Variants in NBEAL1 observed in about 807,000 individuals in gnomAD.
NBEAL1 encodes the protein neurobeachin like 1.
Under a neutral mutation model 351.3 loss-of-function variants are expected in NBEAL1, and 273 were observed. The observed-to-expected ratio is 0.78, with a 90% CI of 0.70 to 0.86. The LOEUF (loss-of-function observed/expected upper bound fraction) is 0.86, where lower values mean the gene tolerates loss of function less well. NBEAL1 is among the 40% of genes least tolerant of loss of function. NBEAL1 has a pLI of 0.00. For missense variants in NBEAL1, 2,961 were observed against 3,201.3 expected (o/e 0.92, Z 1.81); for synonymous variants, 1,050 against 1,086.4 (o/e 0.97, Z 0.66).
At chr2:203,198,020 C>CTTTTTTT (rs71034228) in intron 48 of NBEAL1, among the ~76,000 whole-genome samples, 9 of 118,588 alleles carry the variant, frequency 7.6e-5, no homozygotes, top group East Asian at 2.5e-4. Context: ...TTTTTCTTTT[C>CTTTTTTT]TTTTTTTTTT....
intron 18 of NBEAL1, among the ~76,000 whole-genome samples, chr2:203,117,555 C>A (rs1011714778): frequency 1.3e-5 from 2 of 152,222 alleles, no homozygotes; most frequent in Non-Finnish European, 2.9e-5. Context: ...ATTTTTGCTA[C>A]TTCTTTTCTT....
intron 8 of NBEAL1, among the ~76,000 whole-genome samples, chr2:203,078,291 G>C (rs1371314937): frequency 6.6e-6 from 1 of 152,012 alleles, no homozygotes; most frequent in South Asian, 2.1e-4. Flanking sequence ...TTACAAAAAA[G>C]AATTTCTAGT....
intron 12 of NBEAL1, among the ~76,000 whole-genome samples, chr2:203,106,060 A>G (rs2062430537): frequency 1.3e-5 from 2 of 152,160 alleles, no homozygotes; most frequent in Non-Finnish European, 2.9e-5. Flanking sequence ...ACTAACCCTT[A>G]GAGTTTTCTG....
At chr2:203,087,329 G>T (rs892133064) in intron 10 of NBEAL1, among the ~76,000 whole-genome samples, 1 of 151,942 alleles carries the variant, frequency 6.6e-6, no homozygotes, top group Non-Finnish European at 1.5e-5. Flanking sequence ...CAGACCTCGT[G>T]ATTCACCTGC....
chr2:203,146,786 G>A (rs2063524355), intron 33 of NBEAL1, among the ~76,000 whole-genome samples: 2 of 151,572 alleles, frequency 1.3e-5, no homozygotes, highest in Non-Finnish European at 2.9e-5. Flanking sequence ...AGCAAGACTC[G>A]GTCTCAAGAA....
At chr2:203,100,241 T>C (rs1023653696) in intron 12 of NBEAL1, among the ~76,000 whole-genome samples, 8 of 152,190 alleles carry the variant, frequency 5.3e-5, no homozygotes, top group Non-Finnish European at 7.3e-5. Flanking sequence ...GTAGAACAAT[T>C]TATATTCCCT....
chr2:203,120,552 A>G lies in NBEAL1; in HGVS notation c.2593-1702A>G, dbSNP rs377117604. ...GTAAATATCACCTAAAAAGGCATAG[A>G]CTGTAAAACTGGGTTCTACATGTGT... On this transcript the variant is annotated intron_variant, in intron 18 of 55. Transcript: ENST00000683969. 1.2e-4 allele frequency among the ~76,000 whole-genome samples: 19 copies of G among 152,308 alleles called. No individual in the cohort carries two copies. In the East Asian group the frequency reaches 2.9e-3, roughly 23 times the overall value.
intron 44 of NBEAL1, among the ~76,000 whole-genome samples, chr2:203,187,679 G>C (rs2064944760): frequency 6.6e-6 from 1 of 151,272 alleles, no homozygotes; most frequent in Non-Finnish European, 1.5e-5. Context: ...GGAGGTGGAG[G>C]TTACAGTGAG....
At position 203,136,750 on chromosome 2, in the gene NBEAL1, G is replaced by A. The variant is rs771860329; in HGVS notation, c.4541G>A (p.Arg1514Gln). Residue 1514 changes from arginine (R) to glutamine (Q), a missense_variant, in exon 29 of 56, where the codon CGA (arginine) becomes CAA (glutamine). Transcript: ENST00000683969. ...CCAGGAATATCCAGTGAACTACTTC[G>A]ACCATCAGATGAAATAAAACTAACG... is the stretch of plus-strand genomic sequence containing the variant. ...SKPGISSELL[R>Q]PSDEIKLTLL... 13 of 1,612,768 alleles carry A rather than the reference G, an allele frequency of 8.1e-6. No individual in the cohort carries two copies. Among genetic ancestry groups the A allele is most frequent in the African/African-American group, 6.7e-5 (5 of 74,872 alleles).
intron 10 of NBEAL1, among the ~76,000 whole-genome samples, chr2:203,093,012 C>T (rs2062096141): frequency 6.6e-6 from 1 of 152,052 alleles, no homozygotes; most frequent in African/African-American, 2.4e-5. Flanking sequence ...GCAGGCGGAT[C>T]ACAAGGTTAG....
chr2:203,118,790 T>C (rs1443754966), intron 18 of NBEAL1, among the ~76,000 whole-genome samples: 1 of 152,140 alleles, frequency 6.6e-6, no homozygotes, highest in Non-Finnish European at 1.5e-5. Flanking sequence ...GGTTTCACCA[T>C]GTTGGCCAGG....
chr2:203,215,679 C>T (rs2065883786), intron 55 of NBEAL1, among the ~76,000 whole-genome samples: 1 of 149,508 alleles, frequency 6.7e-6, no homozygotes, highest in African/African-American at 2.5e-5. Flanking sequence ...CAGAGCGAGA[C>T]TCCATCTCAA....
At chr2:203,205,340 C>G (rs1290166149) in intron 51 of NBEAL1, among the ~76,000 whole-genome samples, 1 of 151,988 alleles carries the variant, frequency 6.6e-6, no homozygotes, top group Non-Finnish European at 1.5e-5. Flanking sequence ...ATATCATGTT[C>G]CTTTACCCCT....
chr2:203,034,546 C>T (rs1394170297), intron 2 of NBEAL1, among the ~76,000 whole-genome samples: 1 of 145,724 alleles, frequency 6.9e-6, no homozygotes, highest in Admixed American at 7.0e-5. Flanking sequence ...GAAACCTCCA[C>T]CTCCCATGTT....
chr2:203,042,789 T>C (rs2061164946), intron 3 of NBEAL1, among the ~76,000 whole-genome samples: 4 of 152,128 alleles, frequency 2.6e-5, no homozygotes, highest in Admixed American at 1.3e-4. Flanking sequence ...GGTTTCACCA[T>C]GTTGGCCAGT....
intron 31 of NBEAL1, among the ~76,000 whole-genome samples, chr2:203,142,415 C>T (rs1374368270): frequency 6.6e-6 from 1 of 152,168 alleles, no homozygotes; most frequent in South Asian, 2.1e-4. Flanking sequence ...CTCAGCCTCC[C>T]AAAGTGCTGG....
rs1263028381 is a variant in NBEAL1, at chr2:203,157,719, T to A, written c.5608T>A (p.Ser1870Thr). The A allele has an allele frequency of 6.3e-7, 1 of 1,598,426 alleles. No individual in the cohort carries two copies. Reference sequence around the variant, plus strand: ...AACAGGTATCCAACACTCACAGCCTTCCAGTGATACATTGCTTTTGGAAGT... The same window carrying A: ...AACAGGTATCCAACACTCACAGCCTACCAGTGATACATTGCTTTTGGAAGT... The part of the protein sequence containing the change: ...DNLGIQHSQP[S>T]SDTLLLEVVK... The change falls in exon 36 of 56, where the codon TCC becomes ACC. Residue 1870 changes from serine to threonine, a missense_variant. Physicochemically the swap from Ser to Thr is moderately conservative, Grantham distance 58. Coordinates refer to ENST00000683969, the MANE Select transcript of NBEAL1 (RefSeq NM_001378026.1).
rs1188022382 is a variant in NBEAL1, at chr2:203,062,434, G to A, written c.515+4981G>A. On this transcript the variant is annotated intron_variant, in intron 6 of 55. Coordinates refer to ENST00000683969, the MANE Select transcript of NBEAL1 (RefSeq NM_001378026.1). This position sits in a 1 kb window ranked among gnomAD's most constrained non-coding sequence, Gnocchi z 4.2. The stretch of plus-strand genomic sequence containing the variant: ...AGCTTCCAGCATGCTCCAGCATCCT[G>A]CCCAGGGATCTTGCAGGGCCTGCAG... The A allele has an allele frequency of 2.9e-5, 11 of 384,750 alleles. No homozygotes were observed. In the East Asian group the frequency reaches 5.7e-4, roughly 20 times the overall value. The allele number at this position is 384,750 out of a possible 1,614,324, so 23.8% of individuals were successfully genotyped here.
At position 203,115,994 on chromosome 2, in the gene NBEAL1, G is replaced by T; in HGVS notation, c.2516G>T (p.Cys839Phe). Residue 839 changes from cysteine to phenylalanine, a missense_variant, in exon 18 of 56, where the codon TGT becomes TTT. By Grantham distance (205) the Cys-to-Phe change is radical (BLOSUM62 -2). Transcript: ENST00000683969. ...VKALYLAGPN[C>F]LSPWKCQESD... ...TGTAAATAATTTTCAGGTCCAAATT[G>T]TTTAAGCCCTTGGAAGTGTCAAGAG... 1 of 1,551,934 alleles carries T rather than the reference G, an allele frequency of 6.4e-7. No homozygotes were observed. The highest frequency in any genetic ancestry group is 2.4e-5 in the East Asian group (1 of 41,250).
Sources: gnomAD v4.1 joint callset for allele counts (sites outside exome capture counted in the v4.1 genomes callset) on GRCh38, gnomAD v4.1.1 for gene constraint, Gnocchi (gnomAD v3.1) non-coding constraint, MANE v1.5 for transcripts, NCBI Gene and HGNC (gene_info 2026-07-23, HGNC 2026-07-21) for gene names.